Variants in SOX5 observed in about 807,000 individuals in gnomAD.
SOX5 encodes transcription factor SOX-5.
Under a neutral mutation model 92.0 loss-of-function variants are expected in SOX5, and 9 were observed. The ratio of observed to expected loss-of-function variants is 0.10; its 90% CI spans 0.06 to 0.17. The LOEUF is 0.17. Among genes scored for constraint, SOX5 ranks in the 10% least tolerant of loss-of-function variants. The pLI, the probability that SOX5 is intolerant of heterozygous loss-of-function variation, is 1.00. For synonymous variants in SOX5, 344 were observed against 336.3 expected, an observed-to-expected ratio of 1.02 and a Z score of -0.25; for missense variants, 642 against 944.5, an observed-to-expected ratio of 0.68 and a Z score of 4.20.
At chr12:24,389,799 T>G (rs1958804471) in intron 1 of SOX5, among the ~76,000 whole-genome samples, 1 of 152,230 alleles carries the variant, frequency 6.6e-6, no homozygotes, top group African/African-American at 2.4e-5. Context: ...AGGAGCTGCC[T>G]GACTGTTTTC....
intron 1 of SOX5, among the ~76,000 whole-genome samples, chr12:24,378,610 ACTC>A (rs1269510286): frequency 6.6e-6 from 1 of 151,790 alleles, no homozygotes; most frequent in Non-Finnish European, 1.5e-5. Context: ...CTTCCGCTTG[ACTC>A]CTATTTTGAG....
Position 23,530,685 on chromosome 12 carries a change from C to T in SOX5, c.*3534G>A, listed in dbSNP as rs1270122472. ...AACTATAAATGAGTAACTTTATTTT[C>T]TCCGGTAATGTTCTCTTAGATTCAT... On this transcript the variant is annotated 3_prime_UTR_variant, in exon 15 of 15. Transcript: ENST00000451604. 1.3e-5 allele frequency: 2 copies of T among 152,000 alleles called. No individual in the cohort carries two copies. Among genetic ancestry groups the T allele is most frequent in the African/African-American group, 4.8e-5 (2 of 41,372 alleles). The allele number at this position is 152,000 out of a possible 1,614,324, so 9.4% of individuals were successfully genotyped here. A position where few individuals can be genotyped will look rare whatever the true frequency, so the allele number is the denominator to read the frequency against.
At chr12:24,206,022 T>C (rs113943073) in intron 4 of SOX5, among the ~76,000 whole-genome samples, 3 of 152,312 alleles carry the variant, frequency 2.0e-5, no homozygotes, top group East Asian at 1.9e-4. Flanking sequence ...GAATACAACA[T>C]TGTTCACCCA....
chr12:24,058,547 A>C (rs1939043614), intron 4 of SOX5, among the ~76,000 whole-genome samples: 1 of 152,218 alleles, frequency 6.6e-6, no homozygotes, highest in Non-Finnish European at 1.5e-5. Flanking sequence ...CTGGTAAGTT[A>C]GCTGAGAACT....
intron 2 of SOX5, among the ~76,000 whole-genome samples, chr12:24,314,848 T>A (rs1949554516): frequency 6.6e-6 from 1 of 152,220 alleles, no homozygotes; most frequent in South Asian, 2.1e-4. Context: ...TGTTCCTCAT[T>A]ATATCCTTGG....
intron 1 of SOX5, among the ~76,000 whole-genome samples, chr12:24,459,695 A>G (rs1235143047): frequency 6.6e-6 from 1 of 152,132 alleles, no homozygotes; most frequent in Non-Finnish European, 1.5e-5. Context: ...CTTTCAAATG[A>G]CCTGTATTAA....
intron 4 of SOX5, among the ~76,000 whole-genome samples, chr12:24,016,428 C>G (rs983977702): frequency 6.6e-6 from 1 of 152,070 alleles, no homozygotes; most frequent in African/African-American, 2.4e-5. Flanking sequence ...CAGGACTTAA[C>G]CATAAATAAC....
chr12:23,915,675 A>G (rs2097406940), intron 1 of SOX5, among the ~76,000 whole-genome samples: 3 of 152,106 alleles, frequency 2.0e-5, no homozygotes, highest in Admixed American at 2.0e-4. Flanking sequence ...GTTTTTTGCT[A>G]CACGACATTT....
At chr12:23,757,148 C>G (rs909033283) in intron 3 of SOX5, among the ~76,000 whole-genome samples, 4 of 151,842 alleles carry the variant, frequency 2.6e-5, no homozygotes, top group Non-Finnish European at 5.9e-5. Context: ...TACATATATG[C>G]AAATATGTAT....
chr12:24,339,509 C>T (rs748775381), intron 2 of SOX5, among the ~76,000 whole-genome samples: 19 of 152,108 alleles, frequency 1.2e-4, no homozygotes, highest in Admixed American at 8.5e-4. Context: ...AACTGTAAGC[C>T]TTGTTAGAGA....
chr12:24,395,338 C>T (rs1959640722), intron 1 of SOX5, among the ~76,000 whole-genome samples: 1 of 151,950 alleles, frequency 6.6e-6, no homozygotes, highest in South Asian at 2.1e-4. Context: ...GAAGGCTCAA[C>T]CAGGGGAAAT....
chr12:24,372,580 CCA>C, intron 1 of SOX5, among the ~76,000 whole-genome samples: 1 of 152,228 alleles, frequency 6.6e-6, no homozygotes, highest in African/African-American at 2.4e-5. Context: ...GTGAACAGTG[CCA>C]CAATAAAGAT....
chr12:23,870,863 AGTT>A (rs1158427859), intron 2 of SOX5, among the ~76,000 whole-genome samples: 1 of 152,060 alleles, frequency 6.6e-6, no homozygotes, highest in African/African-American at 2.4e-5. Flanking sequence ...ACTATGATGT[AGTT>A]TTTTTTCTTC....
intron 4 of SOX5, among the ~76,000 whole-genome samples, chr12:24,208,109 C>G (rs1464937490): frequency 6.6e-6 from 1 of 152,172 alleles, no homozygotes; most frequent in African/African-American, 2.4e-5. Context: ...TGGATTCCAT[C>G]TTCAGATTTC....
chr12:23,787,524 T>C (rs774492329), intron 3 of SOX5, among the ~76,000 whole-genome samples: 17 of 152,168 alleles, frequency 1.1e-4, no homozygotes, highest in Admixed American at 9.2e-4. Flanking sequence ...AAAATTTGCA[T>C]ACACGATGAA....
intron 4 of SOX5, among the ~76,000 whole-genome samples, chr12:23,748,105 T>C (rs1414432801): frequency 6.6e-6 from 1 of 151,972 alleles, no homozygotes; most frequent in East Asian, 1.9e-4. Context: ...TTTTATACTA[T>C]AGTAGTTAGC....
intron 2 of SOX5, among the ~76,000 whole-genome samples, chr12:23,872,309 G>A (rs1290346830): frequency 6.6e-6 from 1 of 150,584 alleles, no homozygotes; most frequent in Non-Finnish European, 1.5e-5. Flanking sequence ...ACCCCACCCA[G>A]CCCATTTATT....
At chr12:23,556,467 T>A (rs1481220311) in intron 11 of SOX5, among the ~76,000 whole-genome samples, 1 of 152,216 alleles carries the variant, frequency 6.6e-6, no homozygotes, top group Admixed American at 6.5e-5. Flanking sequence ...TTTTAATTTG[T>A]TCTTAGGCAA....
intron 3 of SOX5, among the ~76,000 whole-genome samples, chr12:24,252,504 C>CAA (rs57327790): frequency 0.023 from 3,248 of 142,520 alleles, 60 homozygotes; most frequent in South Asian, 0.073. Context: ...GGGGAAAGGC[C>CAA]AAAAAAAAAA....
Sources: gnomAD v4.1 joint callset for allele counts (sites outside exome capture counted in the v4.1 genomes callset) on GRCh38, gnomAD v4.1.1 for gene constraint, MANE v1.5 for transcripts, NCBI Gene and HGNC (gene_info 2026-07-23, HGNC 2026-07-21) for gene names.